The following SCUBE3 variants were observed in gnomAD, a reference collection of about 807,000 sequenced individuals.
SCUBE3 encodes the protein signal peptide, CUB and EGF-like domain-containing protein 3.
Under a neutral mutation model 116.8 loss-of-function variants are expected in SCUBE3, and 33 were observed. The observed-to-expected ratio is 0.28, with a 90% CI of 0.21 to 0.38. The LOEUF is 0.38. SCUBE3 is among the 10% of genes least tolerant of loss of function. The probability of loss-of-function intolerance (pLI) is 1.00; values close to 1 mark genes in which losing one functional copy is unlikely to be tolerated. For missense variants in SCUBE3, 1,007 were observed against 1,324.8 expected, an observed-to-expected ratio of 0.76 and a Z score of 3.72; for synonymous variants, 418 against 496.9, an observed-to-expected ratio of 0.84 and a Z score of 2.11.
rs199883586 is a variant in SCUBE3 at position 35,243,255 on chromosome 6, G to C, written c.1909+19G>C. The C allele has an allele frequency of 1.2e-6, 2 of 1,603,134 alleles. No individual in the cohort carries two copies. The highest frequency in any genetic ancestry group is 1.3e-5 in the African/African-American group (1 of 74,760). The stretch of plus-strand genomic sequence containing the variant: ...AAGTGTGGTAAGGGAGCTTACTGGG[G>C]AGCAGGGATGTAGGAAAGACCCAGT... On this transcript the variant is annotated intron_variant, in intron 15 of 21. Transcript: ENST00000274938. The surrounding 1 kb of genome is among the most constrained non-coding windows in gnomAD (Gnocchi z 6.6).
Position 35,219,597 on chromosome 6 carries a change from A to G in SCUBE3, c.85+5094A>G, listed in dbSNP as rs146408944. 2.1e-4 allele frequency among the ~76,000 whole-genome samples: 32 copies of G among 152,242 alleles called. No individual in the cohort carries two copies. The highest frequency in any genetic ancestry group is 7.7e-4 in the African/African-American group (32 of 41,520). ...TCACTGGTGGTAACAAGCTGAGGAA[A>G]GACCTGGGCAGGGGCTGCAGGGCTG... On this transcript the variant is annotated intron_variant, in intron 1 of 21. Coordinates refer to ENST00000274938, the MANE Select transcript of SCUBE3 (RefSeq NM_152753.4). This position sits in a 1 kb window ranked among gnomAD's most constrained non-coding sequence, Gnocchi z 4.7.
At position 35,246,113 on chromosome 6, in the gene SCUBE3, G is replaced by A. The variant is rs1215393692; in HGVS notation, c.2752+17G>A. ...CCTATGATGGTAAGCCAAGGAGGTG[G>A]GTGAGAAGGGGAGGTATGTCAGTTT... On this transcript the variant is annotated intron_variant, in intron 20 of 21. Coordinates refer to ENST00000274938, the MANE Select transcript of SCUBE3 (RefSeq NM_152753.4). 3 of 1,613,798 alleles carry A rather than the reference G, an allele frequency of 1.9e-6. No individual in the cohort carries two copies. Among genetic ancestry groups the A allele is most frequent in the Non-Finnish European group, 2.5e-6 (3 of 1,179,840 alleles).
intron 1 of SCUBE3, chr6:35,224,587 C>G (rs1241787348): frequency 7.0e-6 from 1 of 143,178 alleles, no homozygotes; most frequent in Non-Finnish European, 1.5e-5. Flanking sequence ...GAGATCACAC[C>G]ACTACTGTAC....
chr6:35,229,289 AC>A (rs1301731471), intron 3 of SCUBE3, among the ~76,000 whole-genome samples: 1 of 152,094 alleles, frequency 6.6e-6, no homozygotes, highest in African/African-American at 2.4e-5. Context: ...GATGGTGCAT[AC>A]CTGTAGTCCC....
In SCUBE3 at chr6:35,231,796, T is replaced by G; in HGVS notation, c.406T>G (p.Cys136Gly). The G allele has an allele frequency of 6.2e-7, 1 of 1,613,618 alleles. No individual in the cohort carries two copies. The highest frequency in any genetic ancestry group is 8.5e-7 in the Non-Finnish European group (1 of 1,179,680). ...SCVNMMGSYE[C>G]HCREGFFLSD... ...TGTCAACATGATGGGCAGCTATGAGTGCCACTGCCGGGAAGGCTTCTTCCT... is the reference window on the plus strand; with the variant it reads ...TGTCAACATGATGGGCAGCTATGAGGGCCACTGCCGGGAAGGCTTCTTCCT... The change falls in exon 4 of 22, where the codon TGC becomes GGC. Residue 136 changes from cysteine (C) to glycine (G), a missense_variant. Transcript: ENST00000274938. This position sits in a 1 kb window ranked among gnomAD's most constrained non-coding sequence, Gnocchi z 4.2.
chr6:35,246,927 C>T (rs188230347), intron 21 of SCUBE3, among the ~76,000 whole-genome samples: 139 of 151,182 alleles, frequency 9.2e-4, no homozygotes, highest in African/African-American at 2.9e-3. Context: ...TGCAGTGAGC[C>T]GAGATGGCGC....
At position 35,248,962 on chromosome 6, in the gene SCUBE3, C is replaced by T. The variant is rs139554139; in HGVS notation, c.*257C>T. On this transcript the variant is annotated 3_prime_UTR_variant, in exon 22 of 22. Coordinates refer to ENST00000274938, the MANE Select transcript of SCUBE3 (RefSeq NM_152753.4). Reference sequence around the variant, plus strand: ...GCCATTCAGTACTGGCTCTAGTCCCCGTGAGATGTAAAGAAACAGTACAGC... The same window carrying T: ...GCCATTCAGTACTGGCTCTAGTCCCTGTGAGATGTAAAGAAACAGTACAGC... The T allele has an allele frequency of 4.1e-5, 20 of 485,184 alleles. No homozygotes were observed. Among genetic ancestry groups the T allele is most frequent in the African/African-American group, 9.8e-5 (5 of 50,816 alleles). 30.1% of individuals were successfully genotyped at this position (485,184 alleles called of 1,614,324 possible).
intron 1 of SCUBE3, among the ~76,000 whole-genome samples, chr6:35,218,768 C>G (rs1053834361): frequency 6.6e-6 from 1 of 152,146 alleles, no homozygotes; most frequent in East Asian, 1.9e-4. Context: ...TCCCCTCCCC[C>G]ACTGGCCACT....
chr6:35,241,537 T>C lies in SCUBE3; in HGVS notation c.1196-6T>C, dbSNP rs1194445225. 1.2e-6 allele frequency: 2 copies of C among 1,603,842 alleles called. No individual in the cohort carries two copies. The highest frequency in any genetic ancestry group is 1.1e-5 in the South Asian group (1 of 90,922). On this transcript the variant is annotated splice_polypyrimidine_tract_variant and splice_region_variant and intron_variant, in intron 10 of 21. Transcript: ENST00000274938. This position sits in a 1 kb window ranked among gnomAD's most constrained non-coding sequence, Gnocchi z 4.1. ...TCATTTGCTCAGGCCTCTCTCCCCT[T>C]CCTAGAGCCACTGAAGTGTCAGGGC...
Position 35,241,803 on chromosome 6 carries a change from C to A in SCUBE3, c.1313-3C>A. ...CAGAACTGTGACAGGCTCCTTTTCTCAGAGTCTGAGAATGGCTTCACGGTG... is the reference window on the plus strand; with the variant it reads ...CAGAACTGTGACAGGCTCCTTTTCTAAGAGTCTGAGAATGGCTTCACGGTG... On this transcript the variant is annotated splice_region_variant and splice_polypyrimidine_tract_variant and intron_variant, in intron 11 of 21. Transcript: ENST00000274938. The surrounding 1 kb of genome is among the most constrained non-coding windows in gnomAD (Gnocchi z 4.1). 6.2e-7 allele frequency: 1 copy of A among 1,611,574 alleles called. No individual in the cohort carries two copies. Among genetic ancestry groups the A allele is most frequent in the Non-Finnish European group, 8.5e-7 (1 of 1,177,944 alleles).
At chr6:35,220,445 G>A (rs993258044) in intron 1 of SCUBE3, 1 of 152,068 alleles carries the variant, frequency 6.6e-6, no homozygotes, top group African/African-American at 2.4e-5. Flanking sequence ...ACCTACCCAT[G>A]CCCACTGCCT....
chr6:35,248,036 A>G (rs1412366241), intron 21 of SCUBE3, among the ~76,000 whole-genome samples: 1 of 152,250 alleles, frequency 6.6e-6, no homozygotes, highest in Non-Finnish European at 1.5e-5. Context: ...GGAGGTGGAA[A>G]GCAAGATACA....
intron 6 of SCUBE3, among the ~76,000 whole-genome samples, chr6:35,236,074 C>G (rs941708780): frequency 1.3e-5 from 2 of 152,228 alleles, no homozygotes; most frequent in Non-Finnish European, 2.9e-5. Context: ...ACTTTCCTCT[C>G]TGATCCTCAG....
At chr6:35,215,931 G>A (rs1038531792) in intron 1 of SCUBE3, among the ~76,000 whole-genome samples, 5 of 152,212 alleles carry the variant, frequency 3.3e-5, no homozygotes, top group South Asian at 2.1e-4. Flanking sequence ...TCTCCTCACT[G>A]TGGATTTGTG....
chr6:35,216,648 A>G (rs1240760976), intron 1 of SCUBE3, among the ~76,000 whole-genome samples: 1 of 152,222 alleles, frequency 6.6e-6, no homozygotes, highest in Non-Finnish European at 1.5e-5. Flanking sequence ...GTCTGTGAGC[A>G]TCAGGGAGGC....
intron 21 of SCUBE3, among the ~76,000 whole-genome samples, chr6:35,247,261 C>A (rs1347945391): frequency 6.6e-6 from 1 of 151,708 alleles, no homozygotes; most frequent in Non-Finnish European, 1.5e-5. Flanking sequence ...ATAGTGAAAC[C>A]CCGTCTTTAC....
intron 12 of SCUBE3, 54 bp from the exon 13 acceptor site, chr6:35,242,149 AC>A: frequency 2.3e-6 from 3 of 1,308,338 alleles, no homozygotes; most frequent in African/African-American, 1.5e-5. Flanking sequence ...CCCCTACGGC[AC>A]CCCCGACCTC....
chr6:35,243,833 C>T lies in SCUBE3; in HGVS notation c.2071+78C>T, dbSNP rs556473964. 1.3e-4 allele frequency: 202 copies of T among 1,545,492 alleles called. 1 individual carries two copies. In the East Asian group the frequency reaches 2.3e-3, roughly 17 times the overall value. The stretch of plus-strand genomic sequence containing the variant: ...CATGGGCATGGGATTTCCCAAAGGG[C>T]AGGCCCAGGCTCCAGGCCACTCTCT... On this transcript the variant is annotated intron_variant, in intron 16 of 21. Transcript: ENST00000274938. The surrounding 1 kb of genome is among the most constrained non-coding windows in gnomAD (Gnocchi z 6.6).
chr6:35,226,863 T>C (rs6899724), intron 1 of SCUBE3, among the ~76,000 whole-genome samples: 1,941 of 152,258 alleles, frequency 0.013, 50 homozygotes, highest in African/African-American at 0.043. Flanking sequence ...GTGTAGCACC[T>C]ATTGTTAGAG....
Sources: allele counts gnomAD v4.1 joint callset (sites outside exome capture counted in the v4.1 genomes callset), GRCh38; gene constraint gnomAD v4.1.1; non-coding constraint Gnocchi (gnomAD v3.1); transcripts MANE v1.5; gene names NCBI Gene and HGNC (gene_info 2026-07-23, HGNC 2026-07-21).